Variants in GALR2 observed in about 807,000 individuals in gnomAD.
The protein encoded by GALR2 is galanin receptor 2.
A neutral mutation model predicts 7.2 loss-of-function variants in GALR2; 5 were observed. The observed-to-expected ratio is 0.69, with a 90% CI of 0.36 to 1.45. The LOEUF (loss-of-function observed/expected upper bound fraction) is 1.45, where lower values mean the gene tolerates loss of function less well. Among genes scored for constraint, GALR2 ranks in the 40% most tolerant of loss-of-function variants. The pLI, the probability that GALR2 is intolerant of heterozygous loss-of-function variation, is 0.03. For missense variants in GALR2, 561 were observed against 555.7 expected (o/e 1.01, Z -0.10); for synonymous variants, 300 against 263.9 (o/e 1.14, Z -1.32).
upstream of GALR2, chr17:76,072,712 GTGAGACCGTGGCTGC>G: frequency 1.2e-6 from 1 of 831,662 alleles, no homozygotes; most frequent in Non-Finnish European, 1.8e-6. This position sits in a 1 kb window ranked among gnomAD's most constrained non-coding sequence, Gnocchi z 4.5. Flanking sequence ...TGAGGCCGCA[GTGAGACCGTGGCTGC>G]TGAGATCTCA....
In GALR2 at chr17:76,077,283, C is replaced by A; in HGVS notation, c.1016C>A (p.Ser339Tyr). 1 of 1,599,186 alleles carries A rather than the reference C, an allele frequency of 6.3e-7. No individual in the cohort carries two copies. The highest frequency in any genetic ancestry group is 8.5e-7 in the Non-Finnish European group (1 of 1,177,124). ...THSGSVLERE[S>Y]SDLLHMSEAA... ...AGTGGCAGCGTGTTGGAGCGCGAGTCCAGCGACCTGTTGCACATGAGCGAG... is the reference window on the plus strand; with the variant it reads ...AGTGGCAGCGTGTTGGAGCGCGAGTACAGCGACCTGTTGCACATGAGCGAG... Residue 339 changes from serine to tyrosine, a missense_variant, in exon 2 of 2, where the codon TCC (serine) becomes TAC (tyrosine). Ser to Tyr is a moderately radical substitution (Grantham distance 144). Transcript: ENST00000329003.
Position 76,075,128 on chromosome 17 carries a change from AG to A in GALR2, c.247del (p.Ala83ProfsTer79). The A allele has an allele frequency of 6.2e-7, 1 of 1,611,290 alleles. No individual in the cohort carries two copies. The highest frequency in any genetic ancestry group is 8.5e-7 in the Non-Finnish European group (1 of 1,179,558). On this transcript the variant is annotated frameshift_variant, in exon 1 of 2. Transcript: ENST00000329003. LOFTEE classifies it high-confidence loss of function. The surrounding 1 kb of genome is among the most constrained non-coding windows in gnomAD (Gnocchi z 5.9). ...TTCATCCTGTGCTGCGTGCCCTTCC[AG>A]GCCACCATCTACACCCTGGACGGCT... ...LCFILCCVPF[Q>X]ATIYTLDGWV... is the part of the protein sequence containing the mutation.
In GALR2 at chr17:76,076,952, C is replaced by A. The variant is rs1427258537; in HGVS notation, c.685C>A (p.Arg229Ser). The A allele has an allele frequency of 1.2e-6, 2 of 1,602,634 alleles. No homozygotes were observed. The highest frequency in any genetic ancestry group is 1.7e-6 in the Non-Finnish European group (2 of 1,178,470). Reference sequence around the variant, plus strand: ...GGTGGCCGCGGGCTCGGGTGCCCGGCGCGCCAAGCGCAAGGTGACACGCAT... The same window carrying A: ...GGTGGCCGCGGGCTCGGGTGCCCGGAGCGCCAAGCGCAAGGTGACACGCAT... ...DPVAAGSGARRAKRKVTRMIL... is the reference protein window; with the variant it reads ...DPVAAGSGARSAKRKVTRMIL... Residue 229 changes from arginine to serine, a missense_variant, in exon 2 of 2, where the codon CGC (arginine) becomes AGC (serine). Transcript: ENST00000329003. The surrounding 1 kb of genome is among the most constrained non-coding windows in gnomAD (Gnocchi z 6.5).
rs917027307 is a variant in GALR2 at position 76,075,962 on chromosome 17, G to C, written c.369-674G>C. ...AGAGGAGAGCGAGAGACGCACATTC[G>C]GGAGAGCGCGGGACTCAGGTGGAGC... is the stretch of plus-strand genomic sequence containing the variant. On this transcript the variant is annotated intron_variant, in intron 1 of 1. Transcript: ENST00000329003. The surrounding 1 kb of genome is among the most constrained non-coding windows in gnomAD (Gnocchi z 5.9). Among the ~76,000 whole-genome samples, 14 of 152,218 alleles carry C rather than the reference G, an allele frequency of 9.2e-5. No individual in the cohort carries two copies. Among genetic ancestry groups the C allele is most frequent in the African/African-American group, 3.4e-4 (14 of 41,466 alleles).
rs1348136013 is a variant in GALR2, at chr17:76,074,916, C to T, written c.33C>T (p.Asn11=). 3 of 1,543,866 alleles carry T rather than the reference C, an allele frequency of 1.9e-6. No individual in the cohort carries two copies. The highest frequency in any genetic ancestry group is 2.3e-4 in the Middle Eastern group (1 of 4,364). ...TCTCGGGCTGCCCAGGGGCCGGGAA[C>T]GCGAGCCAGGCGGGCGGCGGGGGAG... The part of the protein sequence containing the change: MNVSGCPGAG[N]ASQAGGGGGW... The change falls in exon 1 of 2, where the codon AAC becomes AAT. Residue 11 remains asparagine (N), a synonymous_variant. Coordinates refer to ENST00000329003, the MANE Select transcript of GALR2 (RefSeq NM_003857.4). This position sits in a 1 kb window ranked among gnomAD's most constrained non-coding sequence, Gnocchi z 6.7.
chr17:76,072,791 A>G, upstream of GALR2: 1 of 540,998 alleles, frequency 1.8e-6, no homozygotes, highest in Non-Finnish European at 3.2e-6. The surrounding 1 kb of genome is among the most constrained non-coding windows in gnomAD (Gnocchi z 4.5). Context: ...GGTGGACCCC[A>G]GGTCCTGCAT....
In GALR2 at chr17:76,077,096, T is replaced by TCGCA. The variant is rs773855880; in HGVS notation, c.831_834dup (p.Leu279AlafsTer108). 1 of 1,613,070 alleles carries TCGCA rather than the reference T, an allele frequency of 6.2e-7. No homozygotes were observed. Among genetic ancestry groups the TCGCA allele is most frequent in the Admixed American group, 1.7e-5 (1 of 60,024 alleles). On this transcript the variant is annotated frameshift_variant, in exon 2 of 2. Transcript: ENST00000329003. LOFTEE classifies it low-confidence loss of function (END_TRUNC). ...CGCCACTTATGCGCTTCGCATCCTC[T>TCGCA]CGCACCTGGTCTCCTACGCCAACTC...
In GALR2 at chr17:76,077,487, C is replaced by A. The variant is rs950505891; in HGVS notation, c.*56C>A. 3 of 1,368,248 alleles carry A rather than the reference C, an allele frequency of 2.2e-6. No individual in the cohort carries two copies. Among genetic ancestry groups the A allele is most frequent in the Non-Finnish European group, 1.9e-6 (2 of 1,037,498 alleles). The allele number at this position is 1,368,248 out of a possible 1,614,324, so 84.8% of individuals were successfully genotyped here. A position where few individuals can be genotyped will look rare whatever the true frequency, so the allele number is the denominator to read the frequency against. ...AGAGTTGGAGTCATTGTTGGGGGAC[C>A]GTGGGGAGAGCTTTGCCTGTTAATA... On this transcript the variant is annotated 3_prime_UTR_variant, in exon 2 of 2. Coordinates refer to ENST00000329003, the MANE Select transcript of GALR2 (RefSeq NM_003857.4).
Position 76,077,355 on chromosome 17 carries a change from T to C in GALR2, c.1088T>C (p.Ile363Thr), listed in dbSNP as rs574791995. The stretch of plus-strand genomic sequence containing the variant: ...TGCCCCGGCGCTTCCCAGCCATGCA[T>C]CCTCGAGCCCTGTCCTGGCCCGTCC... ...RPCPGASQPCILEPCPGPSWQ... is the reference protein window; with the variant it reads ...RPCPGASQPCTLEPCPGPSWQ... The change falls in exon 2 of 2, where the codon ATC becomes ACC. Residue 363 changes from isoleucine (I) to threonine (T), a missense_variant. Coordinates refer to ENST00000329003, the MANE Select transcript of GALR2 (RefSeq NM_003857.4). 4 of 1,539,284 alleles carry C rather than the reference T, an allele frequency of 2.6e-6. No homozygotes were observed. In the African/African-American group the frequency reaches 5.4e-5, roughly 21 times the overall value.
rs2066879622 is a variant in GALR2, at chr17:76,074,844, C to A, written c.-40C>A. On this transcript the variant is annotated 5_prime_UTR_variant, in exon 1 of 2. Coordinates refer to ENST00000329003, the MANE Select transcript of GALR2 (RefSeq NM_003857.4). This position sits in a 1 kb window ranked among gnomAD's most constrained non-coding sequence, Gnocchi z 6.7. ...AGCTTCCCGCTCGCGGAGACCCAGA[C>A]GGCTGCAGGAGCCCGGGCAGCCTCG... 2.1e-6 allele frequency: 3 copies of A among 1,457,764 alleles called. No individual in the cohort carries two copies. Among genetic ancestry groups the A allele is most frequent in the African/African-American group, 1.4e-5 (1 of 70,248 alleles). 90.3% of individuals were successfully genotyped at this position (1,457,764 alleles called of 1,614,324 possible). A position where few individuals can be genotyped will look rare whatever the true frequency, so the allele number is the denominator to read the frequency against.
At position 76,076,509 on chromosome 17, in the gene GALR2, T is replaced by C. The variant is rs2066889051; in HGVS notation, c.369-127T>C. 5 of 626,274 alleles carry C rather than the reference T, an allele frequency of 8.0e-6. No individual in the cohort carries two copies. The highest frequency in any genetic ancestry group is 1.4e-5 in the Non-Finnish European group (5 of 364,682). 38.8% of individuals were successfully genotyped at this position (626,274 alleles called of 1,614,324 possible). A position where few individuals can be genotyped will look rare whatever the true frequency, so the allele number is the denominator to read the frequency against. On this transcript the variant is annotated intron_variant, in intron 1 of 1. Transcript: ENST00000329003. This position sits in a 1 kb window ranked among gnomAD's most constrained non-coding sequence, Gnocchi z 6.5. ...CCGAGCCTCACCCCCACCTCCTCTG[T>C]GTGCGGTGTAACCATGCGCTAAGGA...
chr17:76,074,572 G>A (rs2066878440), upstream of GALR2, among the ~76,000 whole-genome samples: 1 of 152,206 alleles, frequency 6.6e-6, no homozygotes, highest in African/African-American at 2.4e-5. The surrounding 1 kb of genome is among the most constrained non-coding windows in gnomAD (Gnocchi z 6.7). Flanking sequence ...CCCCGACTGC[G>A]GGGGCTGGAG....
At chr17:76,072,963 C>G (rs568384154), upstream of GALR2, among the ~76,000 whole-genome samples, 1 of 152,362 alleles carries the variant, frequency 6.6e-6, no homozygotes, top group East Asian at 1.9e-4. The surrounding 1 kb of genome is among the most constrained non-coding windows in gnomAD (Gnocchi z 4.5). Context: ...CTGCCCTTTC[C>G]TCTGAGGCTG....
At position 76,076,660 on chromosome 17, in the gene GALR2, G is replaced by T; in HGVS notation, c.393G>T (p.Leu131=). 1 of 1,592,508 alleles carries T rather than the reference G, an allele frequency of 6.3e-7. No homozygotes were observed. Among genetic ancestry groups the T allele is most frequent in the Non-Finnish European group, 8.5e-7 (1 of 1,174,232 alleles). Residue 131 remains leucine (L), a synonymous_variant, in exon 2 of 2, where the codon CTG becomes CTT. Coordinates refer to ENST00000329003, the MANE Select transcript of GALR2 (RefSeq NM_003857.4). This position sits in a 1 kb window ranked among gnomAD's most constrained non-coding sequence, Gnocchi z 6.5. The part of the protein sequence containing the change: ...LDRYLAIRYP[L]HSRELRTPRN... ...GGTATCTGGCCATCCGCTACCCGCT[G>T]CACTCCCGCGAGCTGCGCACGCCTC...
In GALR2 at chr17:76,074,869, G is replaced by C; in HGVS notation, c.-15G>C. ...CGGCTGCAGGAGCCCGGGCAGCCTC[G>C]GGGTCAGCGGCACCATGAACGTCTC... On this transcript the variant is annotated 5_prime_UTR_variant, in exon 1 of 2. Coordinates refer to ENST00000329003, the MANE Select transcript of GALR2 (RefSeq NM_003857.4). The surrounding 1 kb of genome is among the most constrained non-coding windows in gnomAD (Gnocchi z 6.7). 6.7e-7 allele frequency: 1 copy of C among 1,492,580 alleles called. No individual in the cohort carries two copies. The highest frequency in any genetic ancestry group is 8.9e-7 in the Non-Finnish European group (1 of 1,125,506). The allele number at this position is 1,492,580 out of a possible 1,614,324, so 92.5% of individuals were successfully genotyped here.
In GALR2 at chr17:76,076,762, C is replaced by G; in HGVS notation, c.495C>G (p.Arg165=). Residue 165 remains arginine, a synonymous_variant, in exon 2 of 2, where the codon CGC becomes CGG. Transcript: ENST00000329003. The surrounding 1 kb of genome is among the most constrained non-coding windows in gnomAD (Gnocchi z 6.5). The part of the protein sequence containing the change: ...LFSGPYLSYY[R]QSQLANLTVC... The stretch of plus-strand genomic sequence containing the variant: ...CCGGGCCCTACCTGAGCTACTACCG[C>G]CAGTCGCAGCTGGCCAACCTGACCG... 1 of 1,606,064 alleles carries G rather than the reference C, an allele frequency of 6.2e-7. No homozygotes were observed. The highest frequency in any genetic ancestry group is 8.5e-7 in the Non-Finnish European group (1 of 1,179,838).
At position 76,076,952 on chromosome 17, in the gene GALR2, C is replaced by T. The variant is rs1427258537; in HGVS notation, c.685C>T (p.Arg229Cys). ...GGTGGCCGCGGGCTCGGGTGCCCGG[C>T]GCGCCAAGCGCAAGGTGACACGCAT... ...DPVAAGSGAR[R>C]AKRKVTRMIL... Residue 229 changes from arginine to cysteine, a missense_variant, in exon 2 of 2, where the codon CGC (arginine) becomes TGC (cysteine). Transcript: ENST00000329003. This position sits in a 1 kb window ranked among gnomAD's most constrained non-coding sequence, Gnocchi z 6.5. The T allele has an allele frequency of 6.2e-7, 1 of 1,602,516 alleles. No individual in the cohort carries two copies. Among genetic ancestry groups the T allele is most frequent in the Admixed American group, 1.7e-5 (1 of 59,844 alleles).
At chr17:76,072,711 A>G (rs796428525), upstream of GALR2, 14 of 842,428 alleles carry the variant, frequency 1.7e-5, no homozygotes, top group African/African-American at 2.2e-4. This position sits in a 1 kb window ranked among gnomAD's most constrained non-coding sequence, Gnocchi z 4.5. Context: ...TTGAGGCCGC[A>G]GTGAGACCGT....
At chr17:76,072,402 T>C (rs765681468), upstream of GALR2, 1 of 1,586,874 alleles carries the variant, frequency 6.3e-7, no homozygotes, top group African/African-American at 1.3e-5. This position sits in a 1 kb window ranked among gnomAD's most constrained non-coding sequence, Gnocchi z 4.5. Context: ...CGGCACCACG[T>C]CCACCGCCGC....
Sources: gnomAD v4.1 joint callset for allele counts (sites outside exome capture counted in the v4.1 genomes callset) on GRCh38, gnomAD v4.1.1 for gene constraint, Gnocchi (gnomAD v3.1) non-coding constraint, MANE v1.5 for transcripts, NCBI Gene and HGNC (gene_info 2026-07-23, HGNC 2026-07-21) for gene names.